Variants in ACOX2 observed in about 807,000 individuals in gnomAD.
The protein encoded by ACOX2 is acyl-CoA oxidase 2, also known as peroxisomal acyl-coenzyme A oxidase 2.
In ACOX2, 59 loss-of-function variants were observed where a neutral mutation model predicts 77.5. That is an observed-to-expected ratio of 0.76 (90% CI 0.62 to 0.95). The LOEUF (loss-of-function observed/expected upper bound fraction) is 0.95, where lower values mean the gene tolerates loss of function less well. Ranked by LOEUF, ACOX2 falls within the 40% of genes least tolerant of loss-of-function variation. The pLI is 0.00. For missense variants in ACOX2, 837 were observed against 880.4 expected, an observed-to-expected ratio of 0.95 and a Z score of 0.62; for synonymous variants, 317 against 340.1, an observed-to-expected ratio of 0.93 and a Z score of 0.75.
Position 58,536,745 on chromosome 3 carries a change from C to T in ACOX2, c.-92+374G>A, listed in dbSNP as rs1228225034. Among the ~76,000 whole-genome samples, 4 of 152,146 alleles carry T rather than the reference C, an allele frequency of 2.6e-5. No individual in the cohort carries two copies. In the East Asian group the frequency reaches 7.7e-4, roughly 29 times the overall value. On this transcript the variant is annotated intron_variant, in intron 1 of 14. Coordinates refer to ENST00000302819, the MANE Select transcript of ACOX2 (RefSeq NM_003500.4). ...TGTCACTAGGGCTTTTTGCATTGAACCTCATTTAACCTTAAAGAGGCCACC... is the reference window on the plus strand; with the variant it reads ...TGTCACTAGGGCTTTTTGCATTGAATCTCATTTAACCTTAAAGAGGCCACC...
chr3:58,529,079 G>T, intron 8 of ACOX2, 123 bp from the exon 9 acceptor site: 1 of 962,924 alleles, frequency 1.0e-6, no homozygotes, highest in Non-Finnish European at 1.5e-6. Context: ...AACTTGAACT[G>T]ACATGAGGCC....
chr3:58,521,768 CCTT>C lies in ACOX2; in HGVS notation c.1632+725_1632+727del, dbSNP rs2063360216. Among the ~76,000 whole-genome samples the C allele has an allele frequency of 6.6e-6, 1 of 152,222 alleles. No individual in the cohort carries two copies. The highest frequency in any genetic ancestry group is 2.4e-5 in the African/African-American group (1 of 41,454). On this transcript the variant is annotated intron_variant, in intron 12 of 14. Coordinates refer to ENST00000302819, the MANE Select transcript of ACOX2 (RefSeq NM_003500.4). This position sits in a 1 kb window ranked among gnomAD's most constrained non-coding sequence, Gnocchi z 4.8. Reference sequence around the variant, plus strand: ...TCTCTCCTTCTCCCCTAGTCTCAGTCCTTCTCCTTAGGTCCTCCTTGGGAGATT... The same window carrying C: ...TCTCTCCTTCTCCCCTAGTCTCAGTCCTCCTTAGGTCCTCCTTGGGAGATT...
chr3:58,535,128 G>A lies in ACOX2; in HGVS notation c.-22C>T. 1 of 1,614,148 alleles carries A rather than the reference G, an allele frequency of 6.2e-7. No homozygotes were observed. The highest frequency in any genetic ancestry group is 8.5e-7 in the Non-Finnish European group (1 of 1,180,016). On this transcript the variant is annotated 5_prime_UTR_variant, in exon 2 of 15. Coordinates refer to ENST00000302819, the MANE Select transcript of ACOX2 (RefSeq NM_003500.4). This position sits in a 1 kb window ranked among gnomAD's most constrained non-coding sequence, Gnocchi z 4.8. The stretch of plus-strand genomic sequence containing the variant: ...CCATCCTATCCTGGATCTGTCTGGT[G>A]ACTATGGAGAGACACTTCCAACCCG...
Position 58,533,592 on chromosome 3 carries a change from G to A in ACOX2, c.476-40C>T. ...GAGGTGTTAGACATTGGCCTGAGGT[G>A]GGGTTCTTACCTGTGAAGCTGCTTC... On this transcript the variant is annotated intron_variant, in intron 4 of 14. Transcript: ENST00000302819. This position sits in a 1 kb window ranked among gnomAD's most constrained non-coding sequence, Gnocchi z 5.6. 1 of 1,592,662 alleles carries A rather than the reference G, an allele frequency of 6.3e-7. No individual in the cohort carries two copies. The highest frequency in any genetic ancestry group is 8.6e-7 in the Non-Finnish European group (1 of 1,161,010).
At position 58,535,034 on chromosome 3, in the gene ACOX2, C is replaced by T. The variant is rs780498507; in HGVS notation, c.73G>A (p.Glu25Lys). 5.6e-6 allele frequency: 9 copies of T among 1,614,130 alleles called. No homozygotes were observed. The highest frequency in any genetic ancestry group is 4.5e-5 in the East Asian group (2 of 44,898). Residue 25 changes from glutamate (E) to lysine (K), a missense_variant, in exon 2 of 15, where the codon GAG becomes AAG. Coordinates refer to ENST00000302819, the MANE Select transcript of ACOX2 (RefSeq NM_003500.4). The surrounding 1 kb of genome is among the most constrained non-coding windows in gnomAD (Gnocchi z 4.8). ...SRQMHPDIES[E>K]RYMQSFDVER... ...ACGTCAAAGGACTGCATATACCTCT[C>T]GCTCTCTATGTCGGGGTGCATTTGC... is the stretch of plus-strand genomic sequence containing the variant.
At chr3:58,530,207 T>C (rs1047289733) in intron 8 of ACOX2, among the ~76,000 whole-genome samples, 16 of 152,218 alleles carry the variant, frequency 1.1e-4, no homozygotes, top group African/African-American at 3.6e-4. Context: ...CACTATCACA[T>C]AGAGCCCGAT....
chr3:58,534,210 T>G lies in ACOX2; in HGVS notation c.324-65A>C. ...GACAGGGGCCCAGGTACCCCCTGCCTGAGCAGAGTACAGGAGATAAAGGGC... is the reference window on the plus strand; with the variant it reads ...GACAGGGGCCCAGGTACCCCCTGCCGGAGCAGAGTACAGGAGATAAAGGGC... On this transcript the variant is annotated intron_variant, in intron 3 of 14. Transcript: ENST00000302819. This position sits in a 1 kb window ranked among gnomAD's most constrained non-coding sequence, Gnocchi z 4.8. 6.2e-7 allele frequency: 1 copy of G among 1,603,958 alleles called. No individual in the cohort carries two copies. The highest frequency in any genetic ancestry group is 8.5e-7 in the Non-Finnish European group (1 of 1,175,582).
chr3:58,508,241 C>T (rs926013691), intron 14 of ACOX2, among the ~76,000 whole-genome samples: 14 of 152,132 alleles, frequency 9.2e-5, no homozygotes, highest in African/African-American at 1.7e-4. Flanking sequence ...GAGTCCTCCC[C>T]GTCTTCTCGC....
rs1440786740 is a variant in ACOX2 at position 58,524,691 on chromosome 3, C to T, written c.1347-86G>A. 9 of 1,414,374 alleles carry T rather than the reference C, an allele frequency of 6.4e-6. No homozygotes were observed. Among genetic ancestry groups the T allele is most frequent in the East Asian group, 2.4e-5 (1 of 42,054 alleles). 87.6% of individuals were successfully genotyped at this position (1,414,374 alleles called of 1,614,324 possible). ...CCTCACTCCCAGAGACAGGCAAGCT[C>T]ATGCTAGGTTCCAGCCTTCCCGTGG... On this transcript the variant is annotated intron_variant, in intron 10 of 14. Coordinates refer to ENST00000302819, the MANE Select transcript of ACOX2 (RefSeq NM_003500.4). This position sits in a 1 kb window ranked among gnomAD's most constrained non-coding sequence, Gnocchi z 5.5.
At position 58,534,732 on chromosome 3, in the gene ACOX2, G is replaced by A. The variant is rs1224468770; in HGVS notation, c.161-210C>T. ...GCAGAATTTTAGGACCAGAATCCAG[G>A]TCTTCTGCTGCCTAGGACTCTTCTA... On this transcript the variant is annotated intron_variant, in intron 2 of 14. Transcript: ENST00000302819. The surrounding 1 kb of genome is among the most constrained non-coding windows in gnomAD (Gnocchi z 4.8). 11 of 1,352,866 alleles carry A rather than the reference G, an allele frequency of 8.1e-6. No homozygotes were observed. The East Asian group carries it at 9.8e-5, about 12-fold the overall frequency. The allele number at this position is 1,352,866 out of a possible 1,614,324, so 83.8% of individuals were successfully genotyped here.
rs747978945 is a variant in ACOX2, at chr3:58,534,573, C to T, written c.161-51G>A. The T allele has an allele frequency of 6.2e-7, 1 of 1,613,804 alleles. No homozygotes were observed. The highest frequency in any genetic ancestry group is 1.1e-5 in the South Asian group (1 of 91,038). On this transcript the variant is annotated intron_variant, in intron 2 of 14. Coordinates refer to ENST00000302819, the MANE Select transcript of ACOX2 (RefSeq NM_003500.4). This position sits in a 1 kb window ranked among gnomAD's most constrained non-coding sequence, Gnocchi z 4.8. Reference sequence around the variant, plus strand: ...TTAGGGACCTGGGTGAGGTTTCTGGCACCTTGAAATCTTCTCACCCACTTG... The same window carrying T: ...TTAGGGACCTGGGTGAGGTTTCTGGTACCTTGAAATCTTCTCACCCACTTG...
rs2063317803 is a variant in ACOX2, at chr3:58,515,731, CA to C, written c.1850+1474del. On this transcript the variant is annotated intron_variant, in intron 13 of 14. Transcript: ENST00000302819. The surrounding 1 kb of genome is among the most constrained non-coding windows in gnomAD (Gnocchi z 4.0). ...AAAAGATTATATTCTCAAATTAGTCCATTTTTTTTAATCTTATGGACAATGG... is the reference window on the plus strand; with the variant it reads ...AAAAGATTATATTCTCAAATTAGTCCTTTTTTTTAATCTTATGGACAATGG... Among the ~76,000 whole-genome samples the C allele has an allele frequency of 6.6e-6, 1 of 152,068 alleles. No homozygotes were observed. The highest frequency in any genetic ancestry group is 1.5e-5 in the Non-Finnish European group (1 of 68,008).
chr3:58,508,886 C>A lies in ACOX2; in HGVS notation c.1983+7G>T. On this transcript the variant is annotated splice_region_variant and intron_variant, in intron 14 of 14. Transcript: ENST00000302819. The stretch of plus-strand genomic sequence containing the variant: ...TACATAATTTATAATGTGTTCCACT[C>A]AACTACCTGAGTATTGGTTGGTGAC... The A allele has an allele frequency of 6.2e-7, 1 of 1,614,076 alleles. No individual in the cohort carries two copies.
Position 58,531,395 on chromosome 3 carries a change from A to C in ACOX2, c.704-29T>G. ...GAAGGAGATGGAGATGAGGACACCT[A>C]TCAGTTGAGAGAGTGCTTGCTATGT... On this transcript the variant is annotated intron_variant, in intron 6 of 14. Coordinates refer to ENST00000302819, the MANE Select transcript of ACOX2 (RefSeq NM_003500.4). The surrounding 1 kb of genome is among the most constrained non-coding windows in gnomAD (Gnocchi z 5.8). 8 of 1,591,292 alleles carry C rather than the reference A, an allele frequency of 5.0e-6. No homozygotes were observed. The highest frequency in any genetic ancestry group is 6.9e-6 in the Non-Finnish European group (8 of 1,159,958).
Position 58,526,809 on chromosome 3 carries a change from G to C in ACOX2, c.1156-153C>G. ...CTCACAACTTTATGAATGAGAAGGCGGGTACTCAGCTTATGTGACTCACCC... is the reference window on the plus strand; with the variant it reads ...CTCACAACTTTATGAATGAGAAGGCCGGTACTCAGCTTATGTGACTCACCC... On this transcript the variant is annotated intron_variant, in intron 9 of 14. Coordinates refer to ENST00000302819, the MANE Select transcript of ACOX2 (RefSeq NM_003500.4). The surrounding 1 kb of genome is among the most constrained non-coding windows in gnomAD (Gnocchi z 4.3). The C allele has an allele frequency of 1.2e-6, 1 of 814,286 alleles. No homozygotes were observed. Among genetic ancestry groups the C allele is most frequent in the Non-Finnish European group, 1.9e-6 (1 of 530,618 alleles). The allele number at this position is 814,286 out of a possible 1,614,324, so 50.4% of individuals were successfully genotyped here.
rs147587854 is a variant in ACOX2, at chr3:58,535,153, G to T, written c.-47C>A. ...GACTATGGAGAGACACTTCCAACCC[G>T]GCTGCTCCGAGGGTCTGCTCTCAGC... On this transcript the variant is annotated 5_prime_UTR_variant, in exon 2 of 15. Transcript: ENST00000302819. The surrounding 1 kb of genome is among the most constrained non-coding windows in gnomAD (Gnocchi z 4.8). The T allele has an allele frequency of 6.2e-7, 1 of 1,612,022 alleles. No homozygotes were observed. Among genetic ancestry groups the T allele is most frequent in the East Asian group, 2.2e-5 (1 of 44,882 alleles).
chr3:58,521,166 C>T lies in ACOX2; in HGVS notation c.1632+1330G>A, dbSNP rs2063355528. 6.6e-6 allele frequency among the ~76,000 whole-genome samples: 1 copy of T among 152,164 alleles called. No homozygotes were observed. The highest frequency in any genetic ancestry group is 2.4e-5 in the African/African-American group (1 of 41,432). The stretch of plus-strand genomic sequence containing the variant: ...AGGACAGTTAGCACAGCAGGGGGTG[C>T]CCCTGCTGTAGGCTGAGCAGAACTG... On this transcript the variant is annotated intron_variant, in intron 12 of 14. Transcript: ENST00000302819. The surrounding 1 kb of genome is among the most constrained non-coding windows in gnomAD (Gnocchi z 4.8).
At chr3:58,517,613 T>TG (rs1344818121) in intron 12 of ACOX2, among the ~76,000 whole-genome samples, 190 bp from the exon 13 acceptor site, 73 of 121,808 alleles carry the variant, frequency 6.0e-4, no homozygotes, top group South Asian at 1.2e-3. Context: ...ATGTGTGTGT[T>TG]GGGGGGGGGA....
Position 58,515,475 on chromosome 3 carries a change from C to A in ACOX2, c.1850+1731G>T, listed in dbSNP as rs1026409472. Among the ~76,000 whole-genome samples, 3 of 151,932 alleles carry A rather than the reference C, an allele frequency of 2.0e-5. No individual in the cohort carries two copies. The highest frequency in any genetic ancestry group is 7.3e-5 in the African/African-American group (3 of 41,336). On this transcript the variant is annotated intron_variant, in intron 13 of 14. Coordinates refer to ENST00000302819, the MANE Select transcript of ACOX2 (RefSeq NM_003500.4). The surrounding 1 kb of genome is among the most constrained non-coding windows in gnomAD (Gnocchi z 4.0). ...ATCTTATTTTTAAAAAATTACAAAT[C>A]TTTTAGAGACAGGGTCTCACTATGT...
Sources: gnomAD v4.1 joint callset for allele counts (sites outside exome capture counted in the v4.1 genomes callset) on GRCh38, gnomAD v4.1.1 for gene constraint, Gnocchi (gnomAD v3.1) non-coding constraint, MANE v1.5 for transcripts, NCBI Gene and HGNC (gene_info 2026-07-23, HGNC 2026-07-21) for gene names.